The following VAV3 variants were observed in gnomAD, a reference collection of about 807,000 sequenced individuals.
The protein encoded by VAV3 is vav guanine nucleotide exchange factor 3.
In VAV3, 94 loss-of-function variants were observed where a neutral mutation model predicts 131.2. That is an observed-to-expected ratio of 0.72 (90% CI 0.61 to 0.85). VAV3 has a LOEUF of 0.85. Among genes scored for constraint, VAV3 ranks in the 40% least tolerant of loss-of-function variants. VAV3 has a pLI of 0.00. For missense variants in VAV3, 939 were observed against 1,002.7 expected, an observed-to-expected ratio of 0.94 and a Z score of 0.86; for synonymous variants, 349 against 342.0, an observed-to-expected ratio of 1.02 and a Z score of -0.22.
chr1:107,861,654 C>G lies in VAV3; in HGVS notation c.321+13247G>C, dbSNP rs180987917. ...AATAAAAATAGTGTCCAGTGTCCACCCATATCCGAATATAACCATTCTAGA... is the reference window on the plus strand; with the variant it reads ...AATAAAAATAGTGTCCAGTGTCCACGCATATCCGAATATAACCATTCTAGA... On this transcript the variant is annotated intron_variant, in intron 2 of 26. Coordinates refer to ENST00000370056, the MANE Select transcript of VAV3 (RefSeq NM_006113.5). 1.6e-4 allele frequency among the ~76,000 whole-genome samples: 24 copies of G among 151,532 alleles called. 1 individual carries two copies. The highest frequency in any genetic ancestry group is 5.8e-4 in the African/African-American group (24 of 41,470).
At chr1:107,587,311 T>A (rs1263563373) in intron 25 of VAV3, among the ~76,000 whole-genome samples, 1 of 152,234 alleles carries the variant, frequency 6.6e-6, no homozygotes, top group African/African-American at 2.4e-5. Context: ...TGCTACCTTA[T>A]GCAGATTTGG....
intron 2 of VAV3, among the ~76,000 whole-genome samples, chr1:107,789,789 GAAT>G (rs1201682553): frequency 2.6e-5 from 4 of 152,262 alleles, no homozygotes; most frequent in African/African-American, 9.6e-5. Context: ...AAGATACCTA[GAAT>G]ATTATCATTT....
chr1:107,573,468 A>G (rs192431849), intron 26 of VAV3, 96 bp from the exon 27 acceptor site: 14 of 1,427,254 alleles, frequency 9.8e-6, no homozygotes, highest in Admixed American at 5.9e-5. Context: ...TAACACCCCA[A>G]TTAAACTGGG....
chr1:107,661,474 G>A (rs1312097226), intron 19 of VAV3, among the ~76,000 whole-genome samples: 1 of 152,078 alleles, frequency 6.6e-6, no homozygotes, highest in Non-Finnish European at 1.5e-5. Context: ...CTGTGTTTCT[G>A]AATTTTTATT....
chr1:107,670,513 A>T lies in VAV3; in HGVS notation c.1777+12975T>A, dbSNP rs1245629340. On this transcript the variant is annotated intron_variant, in intron 19 of 26. Transcript: ENST00000370056. ...TTTGCCTTTCAGAAATGTTATTGAAAAAAACTGGCAAGAGACATGAAGTAT... is the reference window on the plus strand; with the variant it reads ...TTTGCCTTTCAGAAATGTTATTGAATAAAACTGGCAAGAGACATGAAGTAT... 2.0e-5 allele frequency among the ~76,000 whole-genome samples: 3 copies of T among 152,196 alleles called. No homozygotes were observed. The East Asian group carries it at 5.8e-4, about 29-fold the overall frequency.
In VAV3 at chr1:107,611,492, C is replaced by T. The variant is rs369626614; in HGVS notation, c.1981-1527G>A. On this transcript the variant is annotated intron_variant, in intron 21 of 26. Transcript: ENST00000370056. ...CCCTTTGATGACAAGATATACATGG[C>T]TTCTGAAATGTGATGCGAAAAATAT... 1.6e-3 allele frequency among the ~76,000 whole-genome samples: 249 copies of T among 151,642 alleles called. 1 individual carries two copies. Among genetic ancestry groups the T allele is most frequent in the African/African-American group, 5.8e-3 (239 of 41,416 alleles).
chr1:107,915,282 AGCCTCAATCAGTAGTGG>A (rs1672553892), intron 1 of VAV3, among the ~76,000 whole-genome samples: 1 of 152,216 alleles, frequency 6.6e-6, no homozygotes, highest in Non-Finnish European at 1.5e-5. Flanking sequence ...GAGATGCAAA[AGCCTCAATCAGTAGTGG>A]GCTCATTTCC....
chr1:107,802,485 T>C (rs1461235569), intron 2 of VAV3, among the ~76,000 whole-genome samples: 1 of 152,134 alleles, frequency 6.6e-6, no homozygotes, highest in Non-Finnish European at 1.5e-5. Context: ...GTTTGTCATA[T>C]ATGGCCTTTA....
At chr1:107,867,741 C>T (rs1670066203) in intron 2 of VAV3, among the ~76,000 whole-genome samples, 1 of 152,106 alleles carries the variant, frequency 6.6e-6, no homozygotes, top group Non-Finnish European at 1.5e-5. Flanking sequence ...CCAGGCTGAG[C>T]CAGCTCTAGG....
chr1:107,630,333 G>T (rs1180162086), intron 20 of VAV3, among the ~76,000 whole-genome samples: 1 of 150,872 alleles, frequency 6.6e-6, no homozygotes, highest in East Asian at 1.9e-4. Context: ...ATAAAAAGAT[G>T]GAAGAATGGA....
chr1:107,630,870 T>A (rs1226657536), intron 20 of VAV3, among the ~76,000 whole-genome samples: 1 of 152,160 alleles, frequency 6.6e-6, no homozygotes, highest in Non-Finnish European at 1.5e-5. Context: ...TGTTCAGAAT[T>A]TTTTTAAAAA....
chr1:107,731,746 A>G (rs1662252000), intron 15 of VAV3, among the ~76,000 whole-genome samples: 1 of 152,212 alleles, frequency 6.6e-6, no homozygotes. Flanking sequence ...ATACTTGGAA[A>G]GAAGTTGTAC....
At chr1:107,956,412 T>C (rs1427707306) in intron 1 of VAV3, among the ~76,000 whole-genome samples, 1 of 152,190 alleles carries the variant, frequency 6.6e-6, no homozygotes, top group Non-Finnish European at 1.5e-5. Flanking sequence ...CAGCTTTTGT[T>C]TGGGGTTTCA....
intron 15 of VAV3, among the ~76,000 whole-genome samples, chr1:107,708,276 T>C (rs1037835876): frequency 2.0e-5 from 3 of 152,184 alleles, no homozygotes; most frequent in Non-Finnish European, 4.4e-5. Context: ...GGACCAATCA[T>C]GGGGTTGGGT....
chr1:107,642,631 A>G lies in VAV3; in HGVS notation c.1902T>C (p.Ser634=). The G allele has an allele frequency of 6.2e-7, 1 of 1,612,948 alleles. No homozygotes were observed. Among genetic ancestry groups the G allele is most frequent in the Non-Finnish European group, 8.5e-7 (1 of 1,179,432 alleles). Residue 634 remains serine (S), a synonymous_variant, in exon 20 of 27, where the codon AGT becomes AGC. Coordinates refer to ENST00000370056, the MANE Select transcript of VAV3 (RefSeq NM_006113.5). ...TVELLKGDAH[S]LFWQGRNLAS... ...GCAACAACAGTACCTGCCAAAACAG[A>G]CTGTGTGCATCTCCTTTCAGAAGTT...
chr1:107,947,984 G>A (rs1674352039), intron 1 of VAV3, among the ~76,000 whole-genome samples: 1 of 152,140 alleles, frequency 6.6e-6, no homozygotes, highest in Non-Finnish European at 1.5e-5. Context: ...TCATACCGTT[G>A]GGAATTTGGG....
At chr1:107,910,930 G>A (rs77733364) in intron 1 of VAV3, among the ~76,000 whole-genome samples, 9,252 of 151,492 alleles carry the variant, frequency 0.061, 418 homozygotes, top group African/African-American at 0.12. Context: ...CAGTGGGCCG[G>A]TATCACACCA....
chr1:107,650,654 A>T (rs377166936), intron 19 of VAV3, among the ~76,000 whole-genome samples: 1 of 150,196 alleles, frequency 6.7e-6, no homozygotes, highest in East Asian at 2.0e-4. Context: ...GGTGTGCTGC[A>T]CCCATTAACT....
At position 107,916,967 on chromosome 1, in the gene VAV3, G is replaced by A. The variant is rs147909683; in HGVS notation, c.205-41950C>T. On this transcript the variant is annotated intron_variant, in intron 1 of 26. Transcript: ENST00000370056. ...AAGTTGAGGGGATGTAAAGTGTGAA[G>A]GCAGTGACTGGAAATTCGGGCAGAG... Among the ~76,000 whole-genome samples the A allele has an allele frequency of 5.0e-3, 755 of 152,240 alleles. 5 individuals are homozygous for A. Among genetic ancestry groups the A allele is most frequent in the East Asian group, 0.026 (133 of 5,178 alleles).
Sources: allele counts gnomAD v4.1 joint callset (sites outside exome capture counted in the v4.1 genomes callset), GRCh38; gene constraint gnomAD v4.1.1; transcripts MANE v1.5; gene names NCBI Gene and HGNC (gene_info 2026-07-23, HGNC 2026-07-21).